Variants in TLL2 observed in about 807,000 individuals in gnomAD.
TLL2 encodes tolloid like 2.
Under a neutral mutation model 123.0 loss-of-function variants are expected in TLL2, and 106 were observed. That is an observed-to-expected ratio of 0.86 (90% CI 0.74 to 1.01). TLL2 has a LOEUF of 1.01. Ranked by LOEUF, TLL2 falls within the 50% of genes least tolerant of loss-of-function variation. TLL2 has a pLI of 0.00. For synonymous variants in TLL2, 494 were observed against 516.8 expected (o/e 0.96, Z 0.60); for missense variants, 1,332 against 1,336.7 (o/e 1.00, Z 0.06).
chr10:96,454,169 C>T lies in TLL2; in HGVS notation c.287-8001G>A, dbSNP rs560898799. ...CTCTGATCACAGAAAGAAAAAATTC[C>T]GAGTCCTCACCTTGGCAAGATGGAG... is the stretch of plus-strand genomic sequence containing the variant. On this transcript the variant is annotated intron_variant, in intron 2 of 20. Transcript: ENST00000357947. Among the ~76,000 whole-genome samples, 22 of 152,190 alleles carry T rather than the reference C, an allele frequency of 1.4e-4. No individual in the cohort carries two copies. In the South Asian group the frequency reaches 3.7e-3, roughly 26 times the overall value.
At chr10:96,404,313 G>C (rs999512664) in intron 10 of TLL2, among the ~76,000 whole-genome samples, 3 of 150,908 alleles carry the variant, frequency 2.0e-5, no homozygotes, top group East Asian at 1.9e-4. Context: ...CCTGCCCACT[G>C]TGTCTCACTC....
intron 1 of TLL2, among the ~76,000 whole-genome samples, chr10:96,508,702 T>C (rs1847599055): frequency 6.6e-6 from 1 of 152,010 alleles, no homozygotes; most frequent in Admixed American, 6.6e-5. Flanking sequence ...GTTCCATGCC[T>C]CTGCCACATG....
intron 16 of TLL2, 37 bp from the exon 17 acceptor site, chr10:96,379,129 C>T: frequency 6.3e-7 from 1 of 1,586,850 alleles, no homozygotes; most frequent in Non-Finnish European, 8.6e-7. Flanking sequence ...GAGGAACCGC[C>T]AACTTGCAAA....
intron 2 of TLL2, among the ~76,000 whole-genome samples, chr10:96,463,802 T>A (rs1188679812): frequency 2.6e-5 from 4 of 152,164 alleles, no homozygotes; most frequent in Non-Finnish European, 1.5e-5. Context: ...GCCTCATTAG[T>A]TTTTCAGTTT....
At chr10:96,369,253 A>G (rs10882782) in intron 20 of TLL2, among the ~76,000 whole-genome samples, 147,595 of 152,248 alleles carry the variant, frequency 0.97, 71,729 homozygotes, top group East Asian at 1. Context: ...TGCCAAGCCC[A>G]GTGTCAGGTG....
At chr10:96,420,068 A>T (rs74151324) in intron 7 of TLL2, among the ~76,000 whole-genome samples, 1,768 of 152,140 alleles carry the variant, frequency 0.012, 34 homozygotes, top group African/African-American at 0.04. Flanking sequence ...ATTATTTATC[A>T]TTTTTATCTC....
At chr10:96,428,780 T>C in intron 4 of TLL2, 32 bp from the exon 5 acceptor site, 1 of 1,381,270 alleles carries the variant, frequency 7.2e-7, no homozygotes. Context: ...TCGACTTCAA[T>C]GATGGGTCCA....
At chr10:96,472,574 AAAC>A (rs990385692) in intron 2 of TLL2, among the ~76,000 whole-genome samples, 47 of 151,884 alleles carry the variant, frequency 3.1e-4, no homozygotes, top group African/African-American at 1.1e-3. Context: ...CCAGCCTGGG[AAAC>A]AACATGACAT....
At chr10:96,372,876 G>A (rs78441094) in intron 19 of TLL2, among the ~76,000 whole-genome samples, 1 of 152,048 alleles carries the variant, frequency 6.6e-6, no homozygotes, top group Non-Finnish European at 1.5e-5. Context: ...TAGAGATCGG[G>A]GGGTGGTCTC....
chr10:96,400,357 CAAA>C (rs55975748), intron 10 of TLL2, among the ~76,000 whole-genome samples: 42,614 of 110,194 alleles, frequency 0.39, 6,466 homozygotes, highest in East Asian at 0.56. Context: ...CTACTACCAT[CAAA>C]AAAAAAAAAA....
intron 13 of TLL2, 112 bp downstream of exon 13, chr10:96,395,075 T>C: frequency 1.7e-6 from 2 of 1,174,956 alleles, no homozygotes; most frequent in Non-Finnish European, 2.4e-6. Context: ...GCCTTTTCTC[T>C]GCAGGGAGCC....
intron 1 of TLL2, among the ~76,000 whole-genome samples, chr10:96,492,167 G>A (rs746603517): frequency 4.0e-5 from 6 of 150,886 alleles, no homozygotes; most frequent in South Asian, 2.1e-4. Flanking sequence ...ACCACAATCC[G>A]TCCTCTCACC....
chr10:96,492,224 GAAA>G (rs562491354), intron 1 of TLL2, among the ~76,000 whole-genome samples: 1 of 132,982 alleles, frequency 7.5e-6, no homozygotes, highest in Non-Finnish European at 1.6e-5. Flanking sequence ...GAAGGGAGAG[GAAA>G]AAAAAAAAAA....
chr10:96,474,565 G>T (rs992910146), intron 2 of TLL2, among the ~76,000 whole-genome samples: 1 of 152,210 alleles, frequency 6.6e-6, no homozygotes, highest in Non-Finnish European at 1.5e-5. Flanking sequence ...GCACATCATT[G>T]CATTTGGCTA....
At position 96,505,731 on chromosome 10, in the gene TLL2, A is replaced by G. The variant is rs1042127253; in HGVS notation, c.175+7780T>C. Among the ~76,000 whole-genome samples the G allele has an allele frequency of 4.6e-5, 7 of 152,338 alleles. No homozygotes were observed. The South Asian group carries it at 1.4e-3, about 32-fold the overall frequency. On this transcript the variant is annotated intron_variant, in intron 1 of 20. Transcript: ENST00000357947. Reference sequence around the variant, plus strand: ...TATGGAAAGCAGTGCTGTTCATACAATTCAGTTCACTCCACACACTTGTTG... The same window carrying G: ...TATGGAAAGCAGTGCTGTTCATACAGTTCAGTTCACTCCACACACTTGTTG...
At chr10:96,415,156 T>C (rs553480112) in intron 7 of TLL2, among the ~76,000 whole-genome samples, 1 of 152,276 alleles carries the variant, frequency 6.6e-6, no homozygotes, top group East Asian at 1.9e-4. Context: ...ACTTCTGCCT[T>C]CCTCTCCAGC....
intron 2 of TLL2, among the ~76,000 whole-genome samples, chr10:96,450,183 A>C (rs1013688624): frequency 6.6e-6 from 1 of 151,976 alleles, no homozygotes; most frequent in Non-Finnish European, 1.5e-5. Flanking sequence ...GGATGGATGG[A>C]TGGATGGATG....
At chr10:96,460,224 A>C (rs954550356) in intron 2 of TLL2, among the ~76,000 whole-genome samples, 1 of 152,260 alleles carries the variant, frequency 6.6e-6, no homozygotes, top group African/African-American at 2.4e-5. Flanking sequence ...TCAATGAGAA[A>C]AACTTTGTAT....
At chr10:96,390,748 G>A (rs1333217608) in intron 13 of TLL2, among the ~76,000 whole-genome samples, 2 of 152,222 alleles carry the variant, frequency 1.3e-5, no homozygotes, top group Non-Finnish European at 2.9e-5. Context: ...GGCTGGGCTG[G>A]GGAAGCTGGC....
Sources: allele counts gnomAD v4.1 joint callset (sites outside exome capture counted in the v4.1 genomes callset), GRCh38; gene constraint gnomAD v4.1.1; transcripts MANE v1.5; gene names NCBI Gene and HGNC (gene_info 2026-07-23, HGNC 2026-07-21).